NCKAP5: variants seen among roughly 807,000 people sequenced by gnomAD.
NCKAP5 encodes nck-associated protein 5.
A neutral mutation model predicts 167.0 loss-of-function variants in NCKAP5; 92 were observed. The observed-to-expected ratio is 0.55, with a 90% confidence interval of 0.47 to 0.66. The LOEUF is 0.66. NCKAP5 is among the 30% of genes least tolerant of loss of function. The pLI is 0.00. For missense variants in NCKAP5, 2,378 were observed against 2,315.0 expected (o/e 1.03, Z -0.56); for synonymous variants, 891 against 877.4 (o/e 1.02, Z -0.27).
intron 4 of NCKAP5, among the ~76,000 whole-genome samples, chr2:133,252,762 A>G (rs1478317797): frequency 2.6e-5 from 4 of 152,226 alleles, no homozygotes; most frequent in African/African-American, 9.7e-5. Context: ...ATGCCAGCCA[A>G]AAATAGGGTC....
intron 5 of NCKAP5, among the ~76,000 whole-genome samples, chr2:133,183,661 A>G (rs1387786176): frequency 6.6e-6 from 1 of 152,222 alleles, no homozygotes; most frequent in Non-Finnish European, 1.5e-5. Context: ...TTTCTCACAA[A>G]TAATGAGAAC....
chr2:132,872,706 T>C (rs184482576), intron 9 of NCKAP5, among the ~76,000 whole-genome samples: 111 of 152,298 alleles, frequency 7.3e-4, no homozygotes, highest in Non-Finnish European at 1.3e-3. Flanking sequence ...GCCACTGTCA[T>C]GTCAACAAAG....
chr2:133,480,953 A>T (rs1005044419), intron 3 of NCKAP5, among the ~76,000 whole-genome samples: 3 of 152,130 alleles, frequency 2.0e-5, no homozygotes, highest in Non-Finnish European at 4.4e-5. Flanking sequence ...TATTCTAAAA[A>T]TTTCACCACT....
intron 4 of NCKAP5, among the ~76,000 whole-genome samples, chr2:133,291,394 G>A (rs548254297): frequency 9.3e-4 from 141 of 152,260 alleles, no homozygotes; most frequent in African/African-American, 3.2e-3. Context: ...CTGAAGCATC[G>A]CAGAGGCAGC....
chr2:132,975,207 A>G (rs1249930259), intron 7 of NCKAP5, among the ~76,000 whole-genome samples: 1 of 152,266 alleles, frequency 6.6e-6, no homozygotes, highest in Non-Finnish European at 1.5e-5. Context: ...GGCAAAACAT[A>G]TAAAACTCTT....
At chr2:133,256,499 A>T (rs2088625199) in intron 4 of NCKAP5, among the ~76,000 whole-genome samples, 1 of 152,226 alleles carries the variant, frequency 6.6e-6, no homozygotes, top group Non-Finnish European at 1.5e-5. Flanking sequence ...TTATCAAATA[A>T]CATTTAGGAA....
chr2:133,492,392 CCAG>C (rs1229718747), intron 3 of NCKAP5, among the ~76,000 whole-genome samples: 1 of 152,170 alleles, frequency 6.6e-6, no homozygotes, highest in Non-Finnish European at 1.5e-5. Flanking sequence ...AGGAGTGAGG[CCAG>C]CAGGTCTGTG....
chr2:133,575,713 G>A, the NCKAP5 span, among the ~76,000 whole-genome samples: 3 of 152,140 alleles, frequency 2.0e-5, no homozygotes, highest in African/African-American at 7.2e-5. Flanking sequence ...ACGTCCTACA[G>A]CCCATCCTAC....
chr2:132,735,629 A>T (rs17325278), intron 16 of NCKAP5, among the ~76,000 whole-genome samples: 32,956 of 152,224 alleles, frequency 0.22, 3,884 homozygotes, highest in Non-Finnish European at 0.28. Context: ...TGATAGGCAG[A>T]CTTCCAAGGG....
intron 3 of NCKAP5, among the ~76,000 whole-genome samples, chr2:133,377,572 C>T (rs978258059): frequency 6.6e-6 from 1 of 152,110 alleles, no homozygotes; most frequent in African/African-American, 2.4e-5. Context: ...ACCTCAAAAG[C>T]TCTAAGGTAG....
At chr2:132,872,281 A>C (rs1195804365) in intron 9 of NCKAP5, among the ~76,000 whole-genome samples, 1 of 152,232 alleles carries the variant, frequency 6.6e-6, no homozygotes, top group African/African-American at 2.4e-5. Context: ...AGAGCGCCTG[A>C]GTACATCTCG....
chr2:133,188,070 G>A (rs747548778), intron 5 of NCKAP5, among the ~76,000 whole-genome samples: 2 of 152,004 alleles, frequency 1.3e-5, no homozygotes, highest in African/African-American at 4.8e-5. Context: ...TCCTGGCATC[G>A]ATGGTCTTTA....
chr2:133,025,454 G>T (rs1392029219), intron 6 of NCKAP5, among the ~76,000 whole-genome samples: 1 of 152,168 alleles, frequency 6.6e-6, no homozygotes, highest in Non-Finnish European at 1.5e-5. Flanking sequence ...AGGTGTAGGG[G>T]CTGGTGAATA....
At chr2:132,709,750 A>C (rs943210051) in intron 19 of NCKAP5, among the ~76,000 whole-genome samples, 1 of 152,096 alleles carries the variant, frequency 6.6e-6, no homozygotes, top group African/African-American at 2.4e-5. Flanking sequence ...TATATTAACA[A>C]ATTTTCTCAC....
At chr2:133,009,913 C>CA (rs1013398205) in intron 6 of NCKAP5, among the ~76,000 whole-genome samples, 34 of 151,334 alleles carry the variant, frequency 2.2e-4, no homozygotes, top group African/African-American at 7.5e-4. Context: ...ATTAAAAATA[C>CA]AAAAAAAATT....
chr2:133,093,064 T>C (rs528203287), intron 6 of NCKAP5, among the ~76,000 whole-genome samples: 8 of 152,314 alleles, frequency 5.3e-5, no homozygotes, highest in African/African-American at 1.9e-4. Flanking sequence ...TAATAATCCC[T>C]TCCTTGTAGA....
intron 7 of NCKAP5, among the ~76,000 whole-genome samples, chr2:132,979,144 C>T (rs2077058242): frequency 6.6e-6 from 1 of 152,308 alleles, no homozygotes; most frequent in South Asian, 2.1e-4. Flanking sequence ...AGTTTCGTAA[C>T]TCTCTAACAC....
chr2:132,862,047 T>C (rs1017495354), intron 10 of NCKAP5, among the ~76,000 whole-genome samples: 3 of 152,242 alleles, frequency 2.0e-5, no homozygotes, highest in Non-Finnish European at 2.9e-5. Context: ...TCAACACTTC[T>C]ACTTCAAAGA....
intron 3 of NCKAP5, among the ~76,000 whole-genome samples, chr2:133,469,144 G>A (rs1692840129): frequency 6.6e-6 from 1 of 152,016 alleles, no homozygotes; most frequent in Admixed American, 6.5e-5. Flanking sequence ...TGCAGTGGCT[G>A]GTACCGGCTT....
Sources: gnomAD v4.1 joint callset for allele counts (sites outside exome capture counted in the v4.1 genomes callset) on GRCh38, gnomAD v4.1.1 for gene constraint, MANE v1.5 for transcripts, NCBI Gene and HGNC (gene_info 2026-07-23, HGNC 2026-07-21) for gene names.